The following HCFC1R1 variants were observed in gnomAD, a reference collection of about 807,000 sequenced individuals.
The protein encoded by HCFC1R1 is host cell factor C1 regulator 1.
A neutral mutation model predicts 13.3 loss-of-function variants in HCFC1R1; 17 were observed. The observed-to-expected ratio is 1.28, with a 90% CI of 0.87 to 1.91. The LOEUF (loss-of-function observed/expected upper bound fraction) is 1.91, where lower values mean the gene tolerates loss of function less well. Ranked by LOEUF, HCFC1R1 falls within the 40% of genes most tolerant of loss-of-function variation. The probability of loss-of-function intolerance (pLI) is 0.00; values close to 1 mark genes in which losing one functional copy is unlikely to be tolerated. For missense variants in HCFC1R1, 218 were observed against 177.9 expected (o/e 1.23, Z -1.28); for synonymous variants, 87 against 71.1 (o/e 1.22, Z -1.12).
chr16:3,024,177 T>A (rs1431034556), upstream of HCFC1R1: 2 of 941,308 alleles, frequency 2.1e-6, no homozygotes, highest in Admixed American at 2.3e-5. Context: ...TTCGCGGCGC[T>A]CACCTCGGCT....
Position 3,022,661 on chromosome 16 carries a change from G to C in HCFC1R1, c.*202C>G, listed in dbSNP as rs1045156967. 5 of 453,362 alleles carry C rather than the reference G, an allele frequency of 1.1e-5. No homozygotes were observed. Among genetic ancestry groups the C allele is most frequent in the Non-Finnish European group, 2.0e-5 (5 of 253,526 alleles). 28.1% of individuals were successfully genotyped at this position (453,362 alleles called of 1,614,324 possible). A position where few individuals can be genotyped will look rare whatever the true frequency, so the allele number is the denominator to read the frequency against. ...AGCAATCTTTATTCAGTTCTTCTTG[G>C]GGGTGGGATGCCTCCCTTCCCATGC... On this transcript the variant is annotated 3_prime_UTR_variant, in exon 4 of 4. Coordinates refer to ENST00000248089, the MANE Select transcript of HCFC1R1 (RefSeq NM_017885.4).
At chr16:3,023,623 A>G in intron 1 of HCFC1R1, 93 bp from the exon 2 acceptor site, 1 of 1,394,956 alleles carries the variant, frequency 7.2e-7, no homozygotes. Flanking sequence ...CAGGAGCCCC[A>G]AGCCCATTCC....
At chr16:3,024,123 C>T, upstream of HCFC1R1, 1 of 717,694 alleles carries the variant, frequency 1.4e-6, no homozygotes, top group Non-Finnish European at 2.3e-6. Context: ...GGGTATCCGG[C>T]TTAAGGGGGC....
At chr16:3,024,102 G>A (rs1258968483), upstream of HCFC1R1, 11 of 719,488 alleles carry the variant, frequency 1.5e-5, no homozygotes, top group Non-Finnish European at 2.5e-5. Context: ...CTTGCTCCTC[G>A]GGGTGGGGGA....
Position 3,022,759 on chromosome 16 carries a change from G to T in HCFC1R1, c.*104C>A. 9.4e-7 allele frequency: 1 copy of T among 1,062,534 alleles called. No individual in the cohort carries two copies. The allele number at this position is 1,062,534 out of a possible 1,614,324, so 65.8% of individuals were successfully genotyped here. On this transcript the variant is annotated 3_prime_UTR_variant, in exon 4 of 4. Coordinates refer to ENST00000248089, the MANE Select transcript of HCFC1R1 (RefSeq NM_017885.4). ...TGAGGGAAGGTCTTGGTGCCCAGAT[G>T]CCTACTCTGCAGGAGAGGGAGGAAC...
In HCFC1R1 at chr16:3,023,549, C is replaced by G. The variant is rs753160195; in HGVS notation, c.96-19G>C. ...AGGGGAGCTGGGAAAAAAAGAGAGC[C>G]TGGTGCACCCCACCCTCTTGGCCCC... is the stretch of plus-strand genomic sequence containing the variant. On this transcript the variant is annotated intron_variant, in intron 1 of 3. Transcript: ENST00000248089. 1.3e-6 allele frequency: 2 copies of G among 1,564,056 alleles called. No individual in the cohort carries two copies. The highest frequency in any genetic ancestry group is 1.7e-6 in the Non-Finnish European group (2 of 1,154,316).
upstream of HCFC1R1, chr16:3,024,194 G>A (rs1394510612): frequency 1.8e-6 from 2 of 1,137,424 alleles, no homozygotes; most frequent in East Asian, 2.5e-5. Flanking sequence ...GGCTCCTAGG[G>A]TTCGGGACGG....
chr16:3,024,227 C>A, upstream of HCFC1R1: 1 of 1,503,832 alleles, frequency 6.6e-7, no homozygotes, highest in South Asian at 1.1e-5. Context: ...ACCTTCGCGC[C>A]GAAGGCGGTA....
Position 3,022,733 on chromosome 16 carries a change from T to G in HCFC1R1, c.*130A>C, listed in dbSNP as rs956428551. ...ACTCCGTTGGGCTCAGTGTCCTCTGTTGAGGGAAGGTCTTGGTGCCCAGAT... is the reference window on the plus strand; with the variant it reads ...ACTCCGTTGGGCTCAGTGTCCTCTGGTGAGGGAAGGTCTTGGTGCCCAGAT... On this transcript the variant is annotated 3_prime_UTR_variant, in exon 4 of 4. Coordinates refer to ENST00000248089, the MANE Select transcript of HCFC1R1 (RefSeq NM_017885.4). 1.0e-4 allele frequency: 75 copies of G among 734,594 alleles called. No individual in the cohort carries two copies. The highest frequency in any genetic ancestry group is 2.8e-4 in the East Asian group (7 of 25,410). The allele number at this position is 734,594 out of a possible 1,614,324, so 45.5% of individuals were successfully genotyped here.
In HCFC1R1 at chr16:3,022,953, G is replaced by A. The variant is rs754920457; in HGVS notation, c.327C>T (p.Leu109=). Residue 109 remains leucine (L), a synonymous_variant, in exon 4 of 4, where the codon CTC becomes CTT. Coordinates refer to ENST00000248089, the MANE Select transcript of HCFC1R1 (RefSeq NM_017885.4). ...ELLLWRYPGS[L]IPEALRLLRL... is the part of the protein sequence containing the mutation. Reference sequence around the variant, plus strand: ...TCAGCAGACGGAGGGCCTCAGGGATGAGGCTGCCAGGATAGCGCCAGAGAA... The same window carrying A: ...TCAGCAGACGGAGGGCCTCAGGGATAAGGCTGCCAGGATAGCGCCAGAGAA... 2.5e-6 allele frequency: 4 copies of A among 1,585,170 alleles called. No individual in the cohort carries two copies. Among genetic ancestry groups the A allele is most frequent in the South Asian group, 2.3e-5 (2 of 86,670 alleles).
Position 3,023,850 on chromosome 16 carries a change from G to A in HCFC1R1, c.92C>T (p.Ala31Val). ...CACCCTGGTCCCCTACACGCACCTG[G>A]CGTCCAGGCCCCAAGTCACCCCCAA... ...AALGVTWGLDASSPLRGAVPM... is the reference protein window; with the variant it reads ...AALGVTWGLDVSSPLRGAVPM... Residue 31 changes from alanine (A) to valine (V), a missense_variant, in exon 1 of 4, where the codon GCC becomes GTC. By Grantham distance (64) the Ala-to-Val change is moderately conservative. Coordinates refer to ENST00000248089, the MANE Select transcript of HCFC1R1 (RefSeq NM_017885.4). 1.3e-6 allele frequency: 2 copies of A among 1,543,098 alleles called. No individual in the cohort carries two copies. Among genetic ancestry groups the A allele is most frequent in the Non-Finnish European group, 1.7e-6 (2 of 1,149,848 alleles).
intron 3 of HCFC1R1, 117 bp downstream of exon 3, chr16:3,023,116 T>C: frequency 6.6e-7 from 1 of 1,515,026 alleles, no homozygotes; most frequent in Non-Finnish European, 8.9e-7. Flanking sequence ...AGAGCCAAGA[T>C]GGGAAACAAC....
chr16:3,023,606 C>A, intron 1 of HCFC1R1, 76 bp from the exon 2 acceptor site: 1 of 1,456,176 alleles, frequency 6.9e-7, no homozygotes, highest in Non-Finnish European at 9.1e-7. Context: ...AAGCCTGCAG[C>A]ATCAGCCAGG....
rs1293311926 is a variant in HCFC1R1 at position 3,023,840 on chromosome 16, C to T, written c.95+7G>A. ...TGGTCAGGCCCACCCTGGTCCCCTACACGCACCTGGCGTCCAGGCCCCAAG... is the reference window on the plus strand; with the variant it reads ...TGGTCAGGCCCACCCTGGTCCCCTATACGCACCTGGCGTCCAGGCCCCAAG... On this transcript the variant is annotated splice_region_variant and intron_variant, in intron 1 of 3. Coordinates refer to ENST00000248089, the MANE Select transcript of HCFC1R1 (RefSeq NM_017885.4). 2 of 1,538,498 alleles carry T rather than the reference C, an allele frequency of 1.3e-6. No individual in the cohort carries two copies. The highest frequency in any genetic ancestry group is 1.7e-4 in the Middle Eastern group (1 of 5,788).
chr16:3,022,919 C>A lies in HCFC1R1; in HGVS notation c.361G>T (p.Asp121Tyr). 1 of 1,568,344 alleles carries A rather than the reference C, an allele frequency of 6.4e-7. No homozygotes were observed. Among genetic ancestry groups the A allele is most frequent in the Middle Eastern group, 1.7e-4 (1 of 5,898 alleles). Residue 121 changes from aspartate (D) to tyrosine (Y), a missense_variant, in exon 4 of 4, where the codon GAC becomes TAC. Asp to Tyr is a radical substitution (Grantham distance 160). Transcript: ENST00000248089. Reference sequence around the variant, plus strand: ...GCAGGGTAGGGGGGACTGGGGGTGTCCCCCAGCCTCAGCAGACGGAGGGCC... The same window carrying A: ...GCAGGGTAGGGGGGACTGGGGGTGTACCCCAGCCTCAGCAGACGGAGGGCC... The part of the protein sequence containing the change: ...PEALRLLRLG[D>Y]TPSPPYPATP...
upstream of HCFC1R1, chr16:3,024,040 C>A (rs990960002): frequency 2.0e-6 from 2 of 1,009,300 alleles, no homozygotes; most frequent in Non-Finnish European, 1.4e-6. Flanking sequence ...CGGGCACAGC[C>A]GCGAGGTTCT....
chr16:3,022,918 T>TC lies in HCFC1R1; in HGVS notation c.361dup (p.Asp121GlyfsTer67), dbSNP rs1268411983. ...TGCAGGGTAGGGGGGACTGGGGGTG[T>TC]CCCCCAGCCTCAGCAGACGGAGGGC... On this transcript the variant is annotated frameshift_variant, in exon 4 of 4. Coordinates refer to ENST00000248089, the MANE Select transcript of HCFC1R1 (RefSeq NM_017885.4). LOFTEE classifies it high-confidence loss of function. 4 of 1,548,864 alleles carry TC rather than the reference T, an allele frequency of 2.6e-6. No homozygotes were observed. The highest frequency in any genetic ancestry group is 1.8e-4 in the Middle Eastern group (1 of 5,442).
In HCFC1R1 at chr16:3,022,776, G is replaced by T; in HGVS notation, c.*87C>A. ...GCCCAGATGCCTACTCTGCAGGAGA[G>T]GGAGGAACCTTGTCCCTTTGCGGGA... is the stretch of plus-strand genomic sequence containing the variant. On this transcript the variant is annotated 3_prime_UTR_variant, in exon 4 of 4. Transcript: ENST00000248089. The T allele has an allele frequency of 8.1e-7, 1 of 1,236,924 alleles. No individual in the cohort carries two copies. The highest frequency in any genetic ancestry group is 1.1e-6 in the Non-Finnish European group (1 of 934,054). The allele number at this position is 1,236,924 out of a possible 1,614,324, so 76.6% of individuals were successfully genotyped here.
chr16:3,024,192 G>T, upstream of HCFC1R1: 1 of 1,104,774 alleles, frequency 9.1e-7, no homozygotes, highest in Admixed American at 2.1e-5. Flanking sequence ...TCGGCTCCTA[G>T]GGTTCGGGAC....
Sources: gnomAD v4.1 joint callset for allele counts on GRCh38, gnomAD v4.1.1 for gene constraint, MANE v1.5 for transcripts, NCBI Gene and HGNC (gene_info 2026-07-23, HGNC 2026-07-21) for gene names.